RORB: variants seen among roughly 807,000 people sequenced by gnomAD.
RORB encodes the protein RAR related orphan receptor B.
A neutral mutation model predicts 59.1 loss-of-function variants in RORB; 6 were observed. The ratio of observed to expected loss-of-function variants is 0.10; its 90% CI spans 0.06 to 0.20. The LOEUF (loss-of-function observed/expected upper bound fraction) is 0.20. Ranked by LOEUF, RORB falls within the 10% of genes least tolerant of loss-of-function variation. The pLI is 1.00. For synonymous variants in RORB, 215 were observed against 204.5 expected (o/e 1.05, Z -0.44); for missense variants, 320 against 560.5 (o/e 0.57, Z 4.33).
chr9:74,649,533 C>T (rs975902489), intron 4 of RORB, among the ~76,000 whole-genome samples: 2 of 152,254 alleles, frequency 1.3e-5, no homozygotes, highest in African/African-American at 2.4e-5. Context: ...CCTGGAGCCA[C>T]GGACTGTACA....
At chr9:74,628,861 T>C (rs916501389) in intron 1 of RORB, among the ~76,000 whole-genome samples, 1 of 152,202 alleles carries the variant, frequency 6.6e-6, no homozygotes, top group African/African-American at 2.4e-5. Context: ...AAATTTTGTC[T>C]CATGGATCCA....
At chr9:74,556,110 T>G (rs1182065196) in intron 1 of RORB, among the ~76,000 whole-genome samples, 3 of 152,230 alleles carry the variant, frequency 2.0e-5, no homozygotes. Context: ...TTGATGCTGA[T>G]ATAACATAAT....
chr9:74,512,268 T>C (rs1411904394), intron 1 of RORB, among the ~76,000 whole-genome samples: 2 of 152,192 alleles, frequency 1.3e-5, no homozygotes, highest in Non-Finnish European at 2.9e-5. Flanking sequence ...TTAAAGAATA[T>C]CAACACAGAC....
intron 1 of RORB, among the ~76,000 whole-genome samples, chr9:74,610,039 A>G (rs112293902): frequency 1.3e-5 from 2 of 152,238 alleles, no homozygotes; most frequent in African/African-American, 4.8e-5. Context: ...CTTCTGTACT[A>G]CTGAATTTGG....
At chr9:74,664,291 C>A (rs1440905779) in intron 6 of RORB, among the ~76,000 whole-genome samples, 3 of 152,170 alleles carry the variant, frequency 2.0e-5, no homozygotes, top group African/African-American at 7.2e-5. Context: ...TGGAGGGGAA[C>A]CCAGTTCATT....
intron 1 of RORB, among the ~76,000 whole-genome samples, chr9:74,625,631 A>C (rs1243594494): frequency 1.3e-5 from 2 of 152,208 alleles, no homozygotes; most frequent in Non-Finnish European, 2.9e-5. Flanking sequence ...AATATTGCTT[A>C]TTGCCTCTTT....
At chr9:74,553,070 G>A (rs1378352793) in intron 1 of RORB, among the ~76,000 whole-genome samples, 1 of 152,098 alleles carries the variant, frequency 6.6e-6, no homozygotes. Context: ...GTTCGGAGAG[G>A]GGAAGGAGCC....
intron 4 of RORB, 103 bp downstream of exon 4, chr9:74,642,918 C>A: frequency 1.3e-6 from 1 of 794,798 alleles, no homozygotes; most frequent in East Asian, 2.7e-5. Context: ...AATTGAATTA[C>A]TTGGATTCAC....
rs566913367 is a variant in RORB, at chr9:74,645,129, G to A, written c.637+2314G>A. Among the ~76,000 whole-genome samples the A allele has an allele frequency of 3.3e-5, 5 of 152,112 alleles. No individual in the cohort carries two copies. In the South Asian group the frequency reaches 1.0e-3, roughly 32 times the overall value. On this transcript the variant is annotated intron_variant, in intron 4 of 9. Coordinates refer to ENST00000376896, the MANE Select transcript of RORB (RefSeq NM_006914.4). Reference sequence around the variant, plus strand: ...CATCAGACATTTAGGGATGCAAATGGGCTGTCCTGCCAGTGCTCTCAAATT... The same window carrying A: ...CATCAGACATTTAGGGATGCAAATGAGCTGTCCTGCCAGTGCTCTCAAATT...
intron 1 of RORB, among the ~76,000 whole-genome samples, chr9:74,513,939 G>C (rs1419303671): frequency 6.6e-6 from 1 of 152,016 alleles, no homozygotes; most frequent in East Asian, 1.9e-4. Flanking sequence ...AATGCCGTAG[G>C]ATCCACAATT....
At chr9:74,538,998 C>CTAATTTAATTAAT (rs1451841711) in intron 1 of RORB, among the ~76,000 whole-genome samples, 3 of 152,088 alleles carry the variant, frequency 2.0e-5, no homozygotes, top group Non-Finnish European at 4.4e-5. Context: ...CTAATGAATT[C>CTAATTTAATTAAT]TACACTAATT....
chr9:74,624,299 G>T (rs1823471647), intron 1 of RORB, among the ~76,000 whole-genome samples: 1 of 152,168 alleles, frequency 6.6e-6, no homozygotes. Flanking sequence ...GACCCCAGAT[G>T]CTGATAGACG....
chr9:74,581,759 T>C (rs1266958164), intron 1 of RORB, among the ~76,000 whole-genome samples: 1 of 152,160 alleles, frequency 6.6e-6, no homozygotes, highest in African/African-American at 2.4e-5. Flanking sequence ...GAACCAAGCA[T>C]CATTTGATAT....
At chr9:74,602,661 TAG>T (rs1823084075) in intron 1 of RORB, among the ~76,000 whole-genome samples, 1 of 152,214 alleles carries the variant, frequency 6.6e-6, no homozygotes. Context: ...TTGAGTTATG[TAG>T]CACCTTTCTC....
At chr9:74,624,957 C>T (rs1175682030) in intron 1 of RORB, among the ~76,000 whole-genome samples, 1 of 151,998 alleles carries the variant, frequency 6.6e-6, no homozygotes, top group Non-Finnish European at 1.5e-5. Context: ...ATCCAATGTC[C>T]TAGAATGTAG....
intron 1 of RORB, among the ~76,000 whole-genome samples, chr9:74,559,875 G>A (rs1413770716): frequency 6.6e-6 from 1 of 152,170 alleles, no homozygotes; most frequent in African/African-American, 2.4e-5. Flanking sequence ...GAAGGTAGTT[G>A]AGTTAGGACT....
At chr9:74,654,333 G>GGAGAGAGAGAGAGAGAGAGAGAGAGA (rs60137307) in intron 4 of RORB, among the ~76,000 whole-genome samples, 1 of 138,714 alleles carries the variant, frequency 7.2e-6, no homozygotes, top group African/African-American at 2.7e-5. Flanking sequence ...CAGTCTCAGG[G>GGAGAGAGAGAGAGAGAGAGAGAGAGA]GAGAGAGAGA....
At chr9:74,650,028 A>G (rs1305451477) in intron 4 of RORB, among the ~76,000 whole-genome samples, 4 of 152,186 alleles carry the variant, frequency 2.6e-5, no homozygotes, top group Non-Finnish European at 5.9e-5. Context: ...CAACAACAAC[A>G]AAATCTTATT....
intron 6 of RORB, among the ~76,000 whole-genome samples, chr9:74,665,164 T>C (rs1030828543): frequency 1.3e-5 from 2 of 152,220 alleles, no homozygotes; most frequent in Admixed American, 1.3e-4. Context: ...TAGCCACCTG[T>C]AAAATATATT....
Sources: allele counts gnomAD v4.1 joint callset (sites outside exome capture counted in the v4.1 genomes callset), GRCh38; gene constraint gnomAD v4.1.1; transcripts MANE v1.5; gene names NCBI Gene and HGNC (gene_info 2026-07-23, HGNC 2026-07-21).